The following MYPN variants were observed in gnomAD, a reference collection of about 807,000 sequenced individuals.
MYPN encodes myopalladin, also known as sarcomeric protein myopalladin, 145 kDa (MYOP).
MYPN carries 63 observed loss-of-function variants against 129.4 expected under a neutral mutation model. That is an observed-to-expected ratio of 0.49 (90% CI 0.40 to 0.60). The LOEUF is 0.60. Ranked by LOEUF, MYPN falls within the 20% of genes least tolerant of loss-of-function variation. The probability of loss-of-function intolerance (pLI) is 0.00; values close to 1 mark genes in which losing one functional copy is unlikely to be tolerated. For missense variants in MYPN, 1,596 were observed against 1,635.4 expected (o/e 0.98, Z 0.42); for synonymous variants, 629 against 600.9 (o/e 1.05, Z -0.68).
At chr10:68,178,489 C>T (rs1426155579) in intron 12 of MYPN, among the ~76,000 whole-genome samples, 3 of 151,766 alleles carry the variant, frequency 2.0e-5, no homozygotes, top group Admixed American at 6.6e-5. Flanking sequence ...CCGAGACAGG[C>T]GGATCACTTG....
intron 19 of MYPN, among the ~76,000 whole-genome samples, chr10:68,209,406 T>C (rs1483312689): frequency 1.3e-5 from 2 of 152,218 alleles, no homozygotes; most frequent in Non-Finnish European, 1.5e-5. Context: ...GCTGTAACAA[T>C]AGAACCTGAT....
chr10:68,088,967 G>A lies in MYPN; in HGVS notation c.-2+975G>A, dbSNP rs532583885. Among the ~76,000 whole-genome samples, 3 of 152,220 alleles carry A rather than the reference G, an allele frequency of 2.0e-5. No individual in the cohort carries two copies. In the South Asian group the frequency reaches 6.2e-4, roughly 32 times the overall value. Reference sequence around the variant, plus strand: ...CATTAATCTACTTTCTGTTTCTGTAGACTTGCCTATTCTCGATATTTCACA... The same window carrying A: ...CATTAATCTACTTTCTGTTTCTGTAAACTTGCCTATTCTCGATATTTCACA... On this transcript the variant is annotated intron_variant, in intron 1 of 6. Transcript: ENST00000685154.
intron 5 of MYPN, among the ~76,000 whole-genome samples, chr10:68,149,060 T>C (rs1254206680): frequency 6.6e-6 from 1 of 151,830 alleles, no homozygotes; most frequent in Non-Finnish European, 1.5e-5. Context: ...ACCCTATCTC[T>C]ACAAAAAAGA....
At chr10:68,204,859 C>T (rs904144293) in intron 18 of MYPN, among the ~76,000 whole-genome samples, 5 of 152,066 alleles carry the variant, frequency 3.3e-5, no homozygotes, top group African/African-American at 9.7e-5. Context: ...TCTCCCCTGC[C>T]TTCTTCCTAG....
At position 68,174,574 on chromosome 10, in the gene MYPN, G is replaced by A; in HGVS notation, c.2482G>A (p.Ala828Thr). Residue 828 changes from alanine (A) to threonine (T), a missense_variant, in exon 11 of 20, where the codon GCT becomes ACT. Transcript: ENST00000358913. ...SPTSRIQNPV[A>T]FLSSVLPSLP... ...TACCAGCCGGATTCAGAACCCAGTG[G>A]CTTTCCTCAGCTCTGTTCTGCCTTC... 6.2e-7 allele frequency: 1 copy of A among 1,614,134 alleles called. No homozygotes were observed. Among genetic ancestry groups the A allele is most frequent in the Non-Finnish European group, 8.5e-7 (1 of 1,180,020 alleles).
Position 68,122,216 on chromosome 10 carries a change from T to C in MYPN, c.778T>C (p.Tyr260His). The C allele has an allele frequency of 6.2e-7, 1 of 1,611,552 alleles. No individual in the cohort carries two copies. The highest frequency in any genetic ancestry group is 8.5e-7 in the Non-Finnish European group (1 of 1,178,868). The change falls in exon 2 of 20, where the codon TAC (tyrosine) becomes CAC (histidine). Residue 260 changes from tyrosine (Y) to histidine (H), a missense_variant. Coordinates refer to ENST00000358913, the MANE Select transcript of MYPN (RefSeq NM_032578.4). ...ACCAGGGTCTTCCCCTTCATCTCTGTACTATGAAGAACCTCTGGGGCAACC... is the reference window on the plus strand; with the variant it reads ...ACCAGGGTCTTCCCCTTCATCTCTGCACTATGAAGAACCTCTGGGGCAACC... ...TTPGSSPSSL[Y>H]YEEPLGQPPR... is the part of the protein sequence containing the mutation.
chr10:68,174,299 C>A lies in MYPN; in HGVS notation c.2207C>A (p.Thr736Asn). The A allele has an allele frequency of 6.2e-7, 1 of 1,614,192 alleles. No individual in the cohort carries two copies. The highest frequency in any genetic ancestry group is 8.5e-7 in the Non-Finnish European group (1 of 1,180,038). The change falls in exon 11 of 20, where the codon ACT becomes AAT. Residue 736 changes from threonine (T) to asparagine (N), a missense_variant. Transcript: ENST00000358913. The stretch of plus-strand genomic sequence containing the variant: ...CCCTCCACGAACACCACCGCAGCAA[C>A]TGTGGCCCCTTCCAGCTCTCCGGTG... The part of the protein sequence containing the change: ...FFPSTNTTAA[T>N]VAPSSSPVFT...
chr10:68,184,522 G>A (rs1055189649), intron 12 of MYPN, among the ~76,000 whole-genome samples: 3 of 152,102 alleles, frequency 2.0e-5, no homozygotes, highest in South Asian at 2.1e-4. Context: ...TCTGCCTCCC[G>A]GGTTCAAGTG....
chr10:68,126,023 T>C (rs1350940107), intron 2 of MYPN, among the ~76,000 whole-genome samples: 1 of 152,124 alleles, frequency 6.6e-6, no homozygotes, highest in East Asian at 1.9e-4. Context: ...TATGAGTTGC[T>C]TGGCCTGGAG....
rs138924840 is a variant in MYPN at position 68,143,184 on chromosome 10, A to T, written c.1078+69A>T. On this transcript the variant is annotated intron_variant, in intron 3 of 19. Coordinates refer to ENST00000358913, the MANE Select transcript of MYPN (RefSeq NM_032578.4). ...ATTTAGTTATAATAAATAAATATTT[A>T]TTGAGGGCCTCCTCTACCATGCGCT... 7.8e-4 allele frequency: 1,146 copies of T among 1,465,436 alleles called. 8 individuals carry two copies. In the African/African-American group the frequency reaches 0.014, roughly 17 times the overall value. The allele number at this position is 1,465,436 out of a possible 1,614,324, so 90.8% of individuals were successfully genotyped here. A position where few individuals can be genotyped will look rare whatever the true frequency, so the allele number is the denominator to read the frequency against.
At position 68,189,011 on chromosome 10, in the gene MYPN, T is replaced by G; in HGVS notation, c.2810T>G (p.Ile937Ser). 6.2e-7 allele frequency: 1 copy of G among 1,614,088 alleles called. No homozygotes were observed. Among genetic ancestry groups the G allele is most frequent in the Non-Finnish European group, 8.5e-7 (1 of 1,180,000 alleles). ...GATGATGAAATTCAACATGATGAGATCCCCACGGGCAAGTGTATTGCTCCC... is the reference window on the plus strand; with the variant it reads ...GATGATGAAATTCAACATGATGAGAGCCCCACGGGCAAGTGTATTGCTCCC... ...ESDDEIQHDE[I>S]PTGKCIAPIF... Residue 937 changes from isoleucine to serine, a missense_variant, in exon 13 of 20, where the codon ATC becomes AGC. Ile to Ser is a moderately radical substitution (Grantham distance 142). Transcript: ENST00000358913.
At chr10:68,091,905 A>G (rs2041933039) in intron 1 of MYPN, among the ~76,000 whole-genome samples, 1 of 151,040 alleles carries the variant, frequency 6.6e-6, no homozygotes, top group African/African-American at 2.4e-5. Context: ...CTCCCTGGCT[A>G]TAACTAACAT....
At chr10:68,157,423 C>T (rs199787122) in intron 6 of MYPN, among the ~76,000 whole-genome samples, 1 of 152,074 alleles carries the variant, frequency 6.6e-6, no homozygotes, top group East Asian at 1.9e-4. Context: ...TGAGCAGCCA[C>T]ATTCTTTTGT....
At chr10:68,115,467 C>T (rs1301481017) in intron 1 of MYPN, among the ~76,000 whole-genome samples, 1 of 152,112 alleles carries the variant, frequency 6.6e-6, no homozygotes, top group Admixed American at 6.5e-5. Context: ...CATCAGCAAA[C>T]CGCATTGGCT....
At chr10:68,132,061 A>C (rs927842870) in intron 2 of MYPN, among the ~76,000 whole-genome samples, 1 of 152,190 alleles carries the variant, frequency 6.6e-6, no homozygotes, top group African/African-American at 2.4e-5. Flanking sequence ...GTTGGACAGA[A>C]GTGTCTTTTT....
chr10:68,115,642 A>C (rs538720876), intron 1 of MYPN, among the ~76,000 whole-genome samples: 5 of 152,300 alleles, frequency 3.3e-5, no homozygotes, highest in African/African-American at 1.2e-4. Flanking sequence ...TTTGCATAGC[A>C]GCCATGATGG....
intron 10 of MYPN, among the ~76,000 whole-genome samples, chr10:68,172,808 C>T (rs1376554075): frequency 6.6e-6 from 1 of 151,978 alleles, no homozygotes; most frequent in African/African-American, 2.4e-5. Context: ...CACGGTGGCT[C>T]GCGCCTGTAA....
At chr10:68,197,241 T>G in intron 15 of MYPN, 111 bp from the exon 16 acceptor site, 1 of 923,084 alleles carries the variant, frequency 1.1e-6, no homozygotes, top group Non-Finnish European at 1.6e-6. Context: ...CTTTCCCCCT[T>G]CAAAAAAAAA....
chr10:68,121,364 A>G, intron 1 of MYPN, 74 bp from the exon 2 acceptor site: 5 of 1,261,862 alleles, frequency 4.0e-6, no homozygotes, highest in Non-Finnish European at 1.1e-6. Flanking sequence ...ACGAGTCTGC[A>G]GTGCTATAAT....
Sources: gnomAD v4.1 joint callset for allele counts (sites outside exome capture counted in the v4.1 genomes callset) on GRCh38, gnomAD v4.1.1 for gene constraint, MANE v1.5 for transcripts, NCBI Gene and HGNC (gene_info 2026-07-23, HGNC 2026-07-21) for gene names.